Variants in AGBL1 observed in about 807,000 individuals in gnomAD.
AGBL1 encodes the protein cytosolic carboxypeptidase 4.
In AGBL1, 130 loss-of-function variants were observed where a neutral mutation model predicts 118.9. The ratio of observed to expected loss-of-function variants is 1.09; its 90% confidence interval spans 0.95 to 1.26. AGBL1 has a LOEUF of 1.26. Ranked by LOEUF, AGBL1 falls within the 50% of genes most tolerant of loss-of-function variation. The pLI, the probability that AGBL1 is intolerant of heterozygous loss-of-function variation, is 0.00. For missense variants in AGBL1, 1,584 were observed against 1,298.1 expected (o/e 1.22, Z -3.38); for synonymous variants, 555 against 478.9 (o/e 1.16, Z -2.08).
At chr15:86,883,937 C>T (rs938636805) in intron 22 of AGBL1, among the ~76,000 whole-genome samples, 11 of 152,116 alleles carry the variant, frequency 7.2e-5, no homozygotes, top group Non-Finnish European at 1.0e-4. Flanking sequence ...ATAAGTTCTA[C>T]GACCCCCCAG....
chr15:86,300,894 C>A (rs1047292704), intron 17 of AGBL1, among the ~76,000 whole-genome samples: 5 of 152,086 alleles, frequency 3.3e-5, no homozygotes, highest in African/African-American at 7.2e-5. Flanking sequence ...ACATGGGGTC[C>A]CGAGGGTGTA....
chr15:86,924,854 T>C (rs1366185255), intron 23 of AGBL1, among the ~76,000 whole-genome samples: 3 of 151,894 alleles, frequency 2.0e-5, no homozygotes, highest in Admixed American at 1.3e-4. Context: ...GGAGGGTGGA[T>C]CACAAAGTCA....
chr15:86,233,530 C>T (rs1053795187), intron 6 of AGBL1, among the ~76,000 whole-genome samples: 2 of 152,114 alleles, frequency 1.3e-5, no homozygotes, highest in African/African-American at 4.8e-5. Flanking sequence ...CATTGAGAAA[C>T]ACCCAAAGAA....
rs2077395576 is a variant in AGBL1, at chr15:86,170,243, T to A, written c.488+11217T>A. Among the ~76,000 whole-genome samples, 3 of 152,186 alleles carry A rather than the reference T, an allele frequency of 2.0e-5. No individual in the cohort carries two copies. In the South Asian group the frequency reaches 6.2e-4, roughly 32 times the overall value. On this transcript the variant is annotated intron_variant, in intron 5 of 22. Transcript: ENST00000614907. The stretch of plus-strand genomic sequence containing the variant: ...AGGAGAAAAACACACTGGATTGAAT[T>A]AAAGAAAATTAGATGTGGCAGAAGA...
chr15:86,180,711 C>T (rs1364966072), intron 5 of AGBL1, among the ~76,000 whole-genome samples: 2 of 152,062 alleles, frequency 1.3e-5, no homozygotes, highest in African/African-American at 4.8e-5. Flanking sequence ...GCTCAAAAGG[C>T]ATTATTAAAA....
chr15:86,475,619 C>G (rs987973618), intron 18 of AGBL1, among the ~76,000 whole-genome samples: 20 of 151,996 alleles, frequency 1.3e-4, no homozygotes, highest in African/African-American at 4.8e-4. Flanking sequence ...GAAAGTGATG[C>G]GGAGAATGGA....
At chr15:86,318,591 A>C (rs2080054656) in intron 17 of AGBL1, among the ~76,000 whole-genome samples, 1 of 151,600 alleles carries the variant, frequency 6.6e-6, no homozygotes, top group Admixed American at 6.6e-5. Context: ...ACAATGTTAG[A>C]GTTATTAACT....
intron 22 of AGBL1, among the ~76,000 whole-genome samples, chr15:86,735,739 T>A (rs1263512986): frequency 1.3e-5 from 2 of 151,910 alleles, no homozygotes; most frequent in Non-Finnish European, 2.9e-5. Context: ...AAGGTAAATT[T>A]TTAAAAATGA....
chr15:86,709,123 A>G (rs755273993), intron 22 of AGBL1, among the ~76,000 whole-genome samples: 2 of 152,128 alleles, frequency 1.3e-5, no homozygotes, highest in African/African-American at 2.4e-5. Flanking sequence ...TATCTATGGT[A>G]TTCCCTCTCC....
intron 22 of AGBL1, among the ~76,000 whole-genome samples, chr15:86,689,448 T>C (rs2086123166): frequency 6.6e-6 from 1 of 152,118 alleles, no homozygotes; most frequent in Admixed American, 6.6e-5. Context: ...CCTAGAATAA[T>C]GCCTGATGCA....
At chr15:86,360,638 G>A (rs1283003578) in intron 17 of AGBL1, among the ~76,000 whole-genome samples, 1 of 151,806 alleles carries the variant, frequency 6.6e-6, no homozygotes, top group African/African-American at 2.4e-5. Context: ...TGAATGTTTG[G>A]TAGAATTCAA....
intron 22 of AGBL1, among the ~76,000 whole-genome samples, chr15:86,833,161 G>A (rs191588653): frequency 1.1e-3 from 160 of 152,182 alleles, no homozygotes; most frequent in African/African-American, 3.7e-3. Flanking sequence ...GGCATTATGG[G>A]AGCTACAATT....
intron 23 of AGBL1, among the ~76,000 whole-genome samples, chr15:86,965,407 T>G (rs1257518404): frequency 2.0e-5 from 3 of 152,118 alleles, no homozygotes; most frequent in Admixed American, 6.6e-5. Flanking sequence ...TTTTTTCATG[T>G]GTTTGTTGGC....
chr15:87,003,537 G>T (rs935434342), intron 24 of AGBL1, among the ~76,000 whole-genome samples: 1 of 152,126 alleles, frequency 6.6e-6, no homozygotes, highest in Non-Finnish European at 1.5e-5. Flanking sequence ...AATTGGAATA[G>T]TTTCAGAAGG....
intron 16 of AGBL1, among the ~76,000 whole-genome samples, chr15:86,285,164 T>A (rs1470596381): frequency 5.3e-5 from 8 of 152,106 alleles, no homozygotes; most frequent in African/African-American, 1.4e-4. Flanking sequence ...CCAACAGAAA[T>A]TTATACTTGG....
intron 16 of AGBL1, among the ~76,000 whole-genome samples, chr15:86,288,894 TTTATATG>T (rs2079499504): frequency 6.6e-6 from 1 of 152,128 alleles, no homozygotes; most frequent in Non-Finnish European, 1.5e-5. Context: ...ATTTATGAGT[TTTATATG>T]TTCATTGTGA....
intron 22 of AGBL1, among the ~76,000 whole-genome samples, chr15:86,902,041 G>T (rs1406928248): frequency 6.6e-6 from 1 of 152,070 alleles, no homozygotes; most frequent in Non-Finnish European, 1.5e-5. Flanking sequence ...ATGTTTCCAG[G>T]TTTGGGCTAT....
At chr15:87,030,246 A>G (rs1042020796), downstream of AGBL1, among the ~76,000 whole-genome samples, 4 of 151,988 alleles carry the variant, frequency 2.6e-5, no homozygotes, top group Non-Finnish European at 5.9e-5. Context: ...ATATGTATAC[A>G]AGGTTAAGAG....
rs559189449 is a variant in AGBL1 at position 86,419,611 on chromosome 15, A to G, written c.2555+22065A>G. ...AGTGGTGCAGGAATGCCAGCAAGAC[A>G]GAACCATTCACTCCCCTGGAAAAGA... is the stretch of plus-strand genomic sequence containing the variant. On this transcript the variant is annotated intron_variant, in intron 18 of 22. Transcript: ENST00000614907. Among the ~76,000 whole-genome samples the G allele has an allele frequency of 3.1e-3, 476 of 152,070 alleles. 1 individual carries two copies. Among genetic ancestry groups the G allele is most frequent in the African/African-American group, 0.011 (449 of 41,486 alleles).
Sources: allele counts gnomAD v4.1 joint callset (sites outside exome capture counted in the v4.1 genomes callset), GRCh38; gene constraint gnomAD v4.1.1; transcripts MANE v1.5; gene names NCBI Gene and HGNC (gene_info 2026-07-23, HGNC 2026-07-21).